Variants in FBN2 observed in about 807,000 individuals in gnomAD.
The protein encoded by FBN2 is fibrillin 2.
In FBN2, 105 loss-of-function variants were observed where a neutral mutation model predicts 355.6. The observed-to-expected ratio is 0.30, with a 90% CI of 0.25 to 0.35. The LOEUF (loss-of-function observed/expected upper bound fraction) is 0.35. Among genes scored for constraint, FBN2 ranks in the 10% least tolerant of loss-of-function variants. The pLI is 1.00. For synonymous variants in FBN2, 1,350 were observed against 1,301.2 expected, an observed-to-expected ratio of 1.04 and a Z score of -0.81; for missense variants, 3,280 against 3,758.7, an observed-to-expected ratio of 0.87 and a Z score of 3.33.
chr5:128,278,762 A>C lies in FBN2; in HGVS notation c.7218T>G (p.Thr2406=), dbSNP rs143510904. ...CACCATCACAGCAGCATTCTGACTT[A>C]GTGACGAGATTGCGACTACTGGATG... ...QMASSSRNLV[T]KSECCCDGGR... The change falls in exon 57 of 65, where the codon ACT becomes ACG. Residue 2406 remains threonine (T), a synonymous_variant. Coordinates refer to ENST00000262464, the MANE Select transcript of FBN2 (RefSeq NM_001999.4). 2.3e-5 allele frequency: 37 copies of C among 1,614,018 alleles called. No individual in the cohort carries two copies. The highest frequency in any genetic ancestry group is 2.7e-5 in the Non-Finnish European group (32 of 1,180,000).
intron 5 of FBN2, among the ~76,000 whole-genome samples, chr5:128,505,671 G>A (rs183887917): frequency 9.2e-4 from 140 of 152,062 alleles, no homozygotes; most frequent in Non-Finnish European, 6.6e-4. Flanking sequence ...TCTGCAAGTC[G>A]TCATAGTAGT....
chr5:128,389,167 G>A (rs1370368453), intron 11 of FBN2, among the ~76,000 whole-genome samples: 1 of 152,188 alleles, frequency 6.6e-6, no homozygotes, highest in Non-Finnish European at 1.5e-5. Context: ...CTTGTAGTGA[G>A]TTTTTCAGCT....
chr5:128,416,513 T>C (rs1325000638), intron 7 of FBN2, among the ~76,000 whole-genome samples: 1 of 152,218 alleles, frequency 6.6e-6, no homozygotes, highest in African/African-American at 2.4e-5. Flanking sequence ...GTTTCCCATA[T>C]GCCTTCTTCT....
At chr5:128,455,142 G>A (rs1754347652) in intron 6 of FBN2, among the ~76,000 whole-genome samples, 1 of 151,874 alleles carries the variant, frequency 6.6e-6, no homozygotes, top group African/African-American at 2.4e-5. Context: ...TGAGACTAAA[G>A]ACAAAAAAAG....
rs1210469011 is a variant in FBN2 at position 128,510,459 on chromosome 5, C to T, written c.628+8814G>A. Among the ~76,000 whole-genome samples, 7 of 152,262 alleles carry T rather than the reference C, an allele frequency of 4.6e-5. No individual in the cohort carries two copies. In the South Asian group the frequency reaches 6.2e-4, roughly 14 times the overall value. ...TCACACTGTTGTTTCCCTTCTCTCA[C>T]GGGTCACTGTTTTTTGTTGCTTAGT... On this transcript the variant is annotated intron_variant, in intron 5 of 64. Coordinates refer to ENST00000262464, the MANE Select transcript of FBN2 (RefSeq NM_001999.4).
intron 5 of FBN2, among the ~76,000 whole-genome samples, chr5:128,468,485 T>A (rs1392316242): frequency 3.3e-5 from 5 of 152,220 alleles, no homozygotes; most frequent in African/African-American, 1.2e-4. Context: ...TACATTTAAC[T>A]TTCTAAGAAA....
chr5:128,492,825 AAAAAG>A (rs1755548344), intron 5 of FBN2, among the ~76,000 whole-genome samples: 1 of 151,284 alleles, frequency 6.6e-6, no homozygotes, highest in Non-Finnish European at 1.5e-5. Flanking sequence ...AAAAAAAAAA[AAAAAG>A]GGAAGAAAGA....
chr5:128,499,177 T>C (rs1184480332), intron 5 of FBN2, among the ~76,000 whole-genome samples: 4 of 152,198 alleles, frequency 2.6e-5, no homozygotes, highest in Non-Finnish European at 4.4e-5. Context: ...GCAAAATCTA[T>C]TCTGGTAACA....
At position 128,500,228 on chromosome 5, in the gene FBN2, T is replaced by TCAACAACAA. The variant is rs60501095; in HGVS notation, c.628+19036_628+19044dup. Among the ~76,000 whole-genome samples the TCAACAACAA allele has an allele frequency of 5.5e-3, 819 of 149,048 alleles. 12 individuals are homozygous for TCAACAACAA. The highest frequency in any genetic ancestry group is 0.017 in the African/African-American group (698 of 40,100). ...GAGTCTCCCTTTCCCACAGCTAATA[T>TCAACAACAA]CAACAACAACAACAACAACAACAAC... On this transcript the variant is annotated intron_variant, in intron 5 of 64. Transcript: ENST00000262464.
chr5:128,318,076 C>T (rs556798244), intron 36 of FBN2, 73 bp downstream of exon 36: 101 of 1,487,640 alleles, frequency 6.8e-5, no homozygotes, highest in Non-Finnish European at 8.8e-5. Context: ...ACACTCATCA[C>T]GGTTCATTAT....
intron 11 of FBN2, among the ~76,000 whole-genome samples, chr5:128,381,685 C>T (rs533605862): frequency 1.3e-5 from 2 of 152,182 alleles, no homozygotes; most frequent in East Asian, 3.9e-4. Context: ...AAAGACAAGC[C>T]TGCTGCTGGG....
intron 32 of FBN2, 84 bp downstream of exon 32, chr5:128,332,828 G>C: frequency 7.7e-7 from 1 of 1,300,202 alleles, no homozygotes; most frequent in East Asian, 2.3e-5. Context: ...TAATAAAAGT[G>C]AAGAGCATGA....
At chr5:128,265,215 C>T (rs1765088083) in intron 62 of FBN2, among the ~76,000 whole-genome samples, 1 of 152,112 alleles carries the variant, frequency 6.6e-6, no homozygotes, top group Admixed American at 6.5e-5. Context: ...TCTGACATTC[C>T]TATGCAGTGT....
intron 7 of FBN2, among the ~76,000 whole-genome samples, chr5:128,432,941 A>G (rs1753663693): frequency 6.6e-6 from 1 of 152,070 alleles, no homozygotes; most frequent in South Asian, 2.1e-4. Context: ...TAAGCCTGAG[A>G]CTGAGCAAGA....
intron 6 of FBN2, among the ~76,000 whole-genome samples, chr5:128,447,894 C>T (rs993748206): frequency 1.3e-5 from 2 of 152,208 alleles, no homozygotes; most frequent in African/African-American, 2.4e-5. Flanking sequence ...CGTGAAATAA[C>T]ATTGAATTAT....
chr5:128,304,839 T>G, intron 45 of FBN2, 118 bp downstream of exon 45: 1 of 1,355,750 alleles, frequency 7.4e-7, no homozygotes, highest in South Asian at 1.2e-5. Flanking sequence ...CCTAGTTAAT[T>G]TTTTGCAAGA....
At chr5:128,482,296 G>T (rs566435920) in intron 5 of FBN2, among the ~76,000 whole-genome samples, 1 of 151,862 alleles carries the variant, frequency 6.6e-6, no homozygotes, top group African/African-American at 2.4e-5. Context: ...AATTTCCCCC[G>T]CCCAGCAAGA....
chr5:128,507,329 C>T (rs1465775617), intron 5 of FBN2, among the ~76,000 whole-genome samples: 1 of 151,950 alleles, frequency 6.6e-6, no homozygotes, highest in East Asian at 1.9e-4. Context: ...CCCAGAGATA[C>T]CGAAATCCAT....
intron 63 of FBN2, 113 bp downstream of exon 63, chr5:128,263,312 T>C (rs1765023433): frequency 3.7e-6 from 3 of 808,124 alleles, no homozygotes; most frequent in African/African-American, 1.7e-5. Context: ...TTCTAATCAA[T>C]GCTTTTGCGG....
Sources: allele counts gnomAD v4.1 joint callset (sites outside exome capture counted in the v4.1 genomes callset), GRCh38; gene constraint gnomAD v4.1.1; transcripts MANE v1.5; gene names NCBI Gene and HGNC (gene_info 2026-07-23, HGNC 2026-07-21).